REV1: variants seen among roughly 807,000 people sequenced by gnomAD.
REV1 encodes REV1 DNA directed polymerase.
A neutral mutation model predicts 137.4 loss-of-function variants in REV1; 42 were observed. The observed-to-expected ratio is 0.31, with a 90% CI of 0.24 to 0.40. REV1 has a LOEUF of 0.40. Ranked by LOEUF, REV1 falls within the 10% of genes least tolerant of loss-of-function variation. The pLI is 1.00. For synonymous variants in REV1, 524 were observed against 519.2 expected (o/e 1.01, Z -0.12); for missense variants, 1,282 against 1,490.1 (o/e 0.86, Z 2.30).
chr2:99,427,366 T>TAC (rs1679524503), intron 9 of REV1, among the ~76,000 whole-genome samples: 1 of 152,224 alleles, frequency 6.6e-6, no homozygotes, highest in South Asian at 2.1e-4. Flanking sequence ...ATGTACAATC[T>TAC]ACCTTCTCAC....
At chr2:99,473,764 T>G (rs58766196) in intron 1 of REV1, among the ~76,000 whole-genome samples, 19,708 of 152,224 alleles carry the variant, frequency 0.13, 1,525 homozygotes, top group East Asian at 0.25. Flanking sequence ...AGAACTTCAA[T>G]CTATCAAAGT....
At chr2:99,441,621 TTG>T in intron 5 of REV1, among the ~76,000 whole-genome samples, 1 of 152,332 alleles carries the variant, frequency 6.6e-6, no homozygotes, top group East Asian at 1.9e-4. Context: ...AACATTTTCA[TTG>T]TCTTTCTATG....
chr2:99,449,321 ATAAAT>A lies in REV1; in HGVS notation c.350+10_350+14del. ...TTTAAAAATTTATTAATTAAATTTA[ATAAAT>A]TAAACTTACCTTTCCACAATCCATT... On this transcript the variant is annotated intron_variant, in intron 4 of 22. Transcript: ENST00000258428. 1 of 1,412,212 alleles carries A rather than the reference ATAAAT, an allele frequency of 7.1e-7. No homozygotes were observed. Among genetic ancestry groups the A allele is most frequent in the Non-Finnish European group, 9.5e-7 (1 of 1,057,598 alleles). The allele number at this position is 1,412,212 out of a possible 1,614,324, so 87.5% of individuals were successfully genotyped here. A position where few individuals can be genotyped will look rare whatever the true frequency, so the allele number is the denominator to read the frequency against.
chr2:99,421,816 A>G (rs991714606), intron 10 of REV1, among the ~76,000 whole-genome samples, 163 bp from the exon 11 acceptor site: 3 of 152,218 alleles, frequency 2.0e-5, no homozygotes, highest in Non-Finnish European at 4.4e-5. Flanking sequence ...TTTTAACTGC[A>G]AAGTTAATTA....
At chr2:99,461,608 A>C (rs1000485602) in intron 3 of REV1, among the ~76,000 whole-genome samples, 10 of 152,248 alleles carry the variant, frequency 6.6e-5, no homozygotes, top group Non-Finnish European at 7.3e-5. Flanking sequence ...ACTTCAAAAA[A>C]TACAATGAAA....
chr2:99,466,414 G>A (rs1336661944), intron 1 of REV1, among the ~76,000 whole-genome samples: 2 of 151,514 alleles, frequency 1.3e-5, no homozygotes, highest in Non-Finnish European at 1.5e-5. Context: ...GGCTATTTTT[G>A]TATTTTTAGT....
intron 10 of REV1, among the ~76,000 whole-genome samples, chr2:99,423,297 G>T (rs1014009531): frequency 2.0e-5 from 3 of 152,318 alleles, no homozygotes; most frequent in South Asian, 2.1e-4. Context: ...TGAAAACAGA[G>T]GCAAGAAGTC....
intron 1 of REV1, among the ~76,000 whole-genome samples, chr2:99,479,907 G>A (rs1230057331): frequency 6.6e-6 from 1 of 152,134 alleles, no homozygotes; most frequent in African/African-American, 2.4e-5. Flanking sequence ...ATCACTGAGA[G>A]GTAGATCTGA....
At position 99,424,285 on chromosome 2, in the gene REV1, A is replaced by T. The variant is rs200169633; in HGVS notation, c.1548-5T>A. 1.1e-4 allele frequency: 179 copies of T among 1,612,140 alleles called. No homozygotes were observed. The highest frequency in any genetic ancestry group is 1.7e-4 in the Admixed American group (10 of 59,634). On this transcript the variant is annotated splice_polypyrimidine_tract_variant and splice_region_variant and intron_variant, in intron 9 of 22. Transcript: ENST00000258428. ...CCGTTCTTAATGCCAAGTTGCCTAG[A>T]GCGAGAACAAAACACAATGGAGGTT...
intron 14 of REV1, 115 bp downstream of exon 14, chr2:99,410,580 T>G: frequency 1.1e-6 from 1 of 893,120 alleles, no homozygotes; most frequent in Non-Finnish European, 1.7e-6. Flanking sequence ...GAATACCAGA[T>G]TAACGGGTTT....
At chr2:99,437,274 T>C (rs1680886022) in intron 6 of REV1, among the ~76,000 whole-genome samples, 1 of 152,138 alleles carries the variant, frequency 6.6e-6, no homozygotes, top group South Asian at 2.1e-4. Context: ...TGAGCCACTG[T>C]GCCCAGCCTG....
intron 9 of REV1, 151 bp from the exon 10 acceptor site, chr2:99,424,431 A>C: frequency 1.2e-6 from 1 of 844,832 alleles, no homozygotes; most frequent in Non-Finnish European, 1.8e-6. Flanking sequence ...ATTAAAATTT[A>C]CAGCCTTGTT....
At chr2:99,429,334 C>A (rs1294447907) in intron 9 of REV1, among the ~76,000 whole-genome samples, 1 of 152,026 alleles carries the variant, frequency 6.6e-6, no homozygotes, top group Non-Finnish European at 1.5e-5. Flanking sequence ...AAAGTTGGTG[C>A]TAACAAGTTG....
chr2:99,482,392 T>C (rs761285866), intron 1 of REV1, among the ~76,000 whole-genome samples: 4 of 152,214 alleles, frequency 2.6e-5, no homozygotes, highest in Non-Finnish European at 4.4e-5. Context: ...CGAGTCATTC[T>C]ACCAAATTAT....
rs1681630142 is a variant in REV1 at position 99,442,382 on chromosome 2, A to C, written c.438T>G (p.Pro146=). 3.7e-6 allele frequency: 6 copies of C among 1,613,706 alleles called. No individual in the cohort carries two copies. The highest frequency in any genetic ancestry group is 5.1e-6 in the Non-Finnish European group (6 of 1,179,878). ...SSVQKGLSFN[P]VCRPEDPLPG... The stretch of plus-strand genomic sequence containing the variant: ...GCAGAGGATCCTCAGGTCTGCATAC[A>C]GGATTAAAGCTGAGACCTTTCTGCA... Residue 146 remains proline, a synonymous_variant, in exon 5 of 23, where the codon CCT becomes CCG. Transcript: ENST00000258428.
Position 99,438,567 on chromosome 2 carries a change from GTTTCTTAAGAAGACAATTTTAA to G in REV1, c.1213+12_1213+33del. 1.3e-6 allele frequency: 2 copies of G among 1,506,188 alleles called. No individual in the cohort carries two copies. The highest frequency in any genetic ancestry group is 1.1e-5 in the South Asian group (1 of 87,448). 93.3% of individuals were successfully genotyped at this position (1,506,188 alleles called of 1,614,324 possible). ...AAGAGCAAAATGATCAAGCATGACT[GTTTCTTAAGAAGACAATTTTAA>G]TAAGTATCTACCTGTGTCAGTTACA... is the stretch of plus-strand genomic sequence containing the variant. On this transcript the variant is annotated intron_variant, in intron 6 of 22. Transcript: ENST00000258428.
At chr2:99,480,720 C>T (rs1383811957) in intron 1 of REV1, among the ~76,000 whole-genome samples, 1 of 152,138 alleles carries the variant, frequency 6.6e-6, no homozygotes, top group African/African-American at 2.4e-5. Flanking sequence ...GCTATCAGTT[C>T]CAGCATTCAC....
intron 3 of REV1, among the ~76,000 whole-genome samples, chr2:99,451,807 C>G (rs1314283798): frequency 6.6e-6 from 1 of 152,048 alleles, no homozygotes; most frequent in Non-Finnish European, 1.5e-5. Context: ...TATACATAGG[C>G]TGACACATGG....
chr2:99,465,790 G>A (rs1337658157), intron 1 of REV1, among the ~76,000 whole-genome samples: 1 of 152,074 alleles, frequency 6.6e-6, no homozygotes, highest in Non-Finnish European at 1.5e-5. Flanking sequence ...CTATATACAT[G>A]TGTATCAAAT....
Sources: gnomAD v4.1 joint callset for allele counts (sites outside exome capture counted in the v4.1 genomes callset) on GRCh38, gnomAD v4.1.1 for gene constraint, MANE v1.5 for transcripts, NCBI Gene and HGNC (gene_info 2026-07-23, HGNC 2026-07-21) for gene names.